The following SEMA3C variants were observed in gnomAD, a reference collection of about 807,000 sequenced individuals.
The protein encoded by SEMA3C is semaphorin-3C.
Under a neutral mutation model 89.4 loss-of-function variants are expected in SEMA3C, and 47 were observed. The ratio of observed to expected loss-of-function variants is 0.53; its 90% CI spans 0.42 to 0.67. The LOEUF is 0.67. SEMA3C is among the 30% of genes least tolerant of loss of function. SEMA3C has a pLI of 0.00. For missense variants in SEMA3C, 839 were observed against 929.1 expected (o/e 0.90, Z 1.26); for synonymous variants, 310 against 320.2 (o/e 0.97, Z 0.34).
chr7:80,896,041 G>A (rs114468264), intron 2 of SEMA3C, among the ~76,000 whole-genome samples: 1 of 151,944 alleles, frequency 6.6e-6, no homozygotes, highest in Non-Finnish European at 1.5e-5. Context: ...GTTGTGTTTA[G>A]TTTATCTTAT....
At chr7:80,782,212 T>C (rs1377805639) in intron 12 of SEMA3C, among the ~76,000 whole-genome samples, 1 of 152,202 alleles carries the variant, frequency 6.6e-6, no homozygotes, top group Non-Finnish European at 1.5e-5. Context: ...CATAAACATA[T>C]CAAATTCACA....
chr7:80,847,445 A>C (rs1790415892), intron 2 of SEMA3C: 1 of 152,196 alleles, frequency 6.6e-6, no homozygotes, highest in East Asian at 1.9e-4. Flanking sequence ...GGTAGATATT[A>C]CTTTGTCAAA....
intron 2 of SEMA3C, among the ~76,000 whole-genome samples, chr7:80,865,557 G>A (rs1790906024): frequency 3.9e-5 from 6 of 152,104 alleles, no homozygotes; most frequent in Admixed American, 3.3e-4. Flanking sequence ...GGAGGCCAAG[G>A]CAGGTGGATC....
intron 2 of SEMA3C, among the ~76,000 whole-genome samples, chr7:80,912,269 T>C (rs1019780072): frequency 8.5e-5 from 13 of 152,208 alleles, no homozygotes; most frequent in Non-Finnish European, 1.5e-4. Flanking sequence ...TTGCAATACC[T>C]GAAATAAAAT....
At chr7:80,765,577 GTTTTGT>G (rs142403914) in intron 12 of SEMA3C, among the ~76,000 whole-genome samples, 16,967 of 144,806 alleles carry the variant, frequency 0.12, 996 homozygotes, top group Admixed American at 0.15. Context: ...GTTTTGTTTT[GTTTTGT>G]TTTGTTTGTT....
At chr7:80,775,370 A>G (rs1460794493) in intron 12 of SEMA3C, among the ~76,000 whole-genome samples, 2 of 152,236 alleles carry the variant, frequency 1.3e-5, no homozygotes, top group Non-Finnish European at 2.9e-5. Context: ...AACAAAGCTG[A>G]CCCATTTCTG....
rs189304117 is a variant in SEMA3C at position 80,866,909 on chromosome 7, C to T, written c.104-38164G>A. Among the ~76,000 whole-genome samples, 40 of 152,092 alleles carry T rather than the reference C, an allele frequency of 2.6e-4. No individual in the cohort carries two copies. The East Asian group carries it at 3.5e-3, about 13-fold the overall frequency. On this transcript the variant is annotated intron_variant, in intron 2 of 17. Coordinates refer to ENST00000265361, the MANE Select transcript of SEMA3C (RefSeq NM_006379.5). ...CGGACATATTTTCTGACTACATGTG[C>T]GTACAGAAAATACAGAGAGCAATAC...
intron 2 of SEMA3C, among the ~76,000 whole-genome samples, chr7:80,858,743 A>G (rs1191081423): frequency 6.6e-6 from 1 of 152,206 alleles, no homozygotes; most frequent in African/African-American, 2.4e-5. Context: ...CATACATATT[A>G]GAGGCCATGC....
intron 16 of SEMA3C, among the ~76,000 whole-genome samples, chr7:80,750,917 T>TA (rs1023706030): frequency 1.8e-4 from 27 of 152,188 alleles, no homozygotes; most frequent in Middle Eastern, 3.4e-3. Context: ...TTTACTGCAG[T>TA]AAAAAAATGC....
At chr7:80,773,467 C>G (rs550740422) in intron 12 of SEMA3C, among the ~76,000 whole-genome samples, 3 of 152,066 alleles carry the variant, frequency 2.0e-5, no homozygotes, top group African/African-American at 7.2e-5. Flanking sequence ...GTAATTGATA[C>G]TAGAGTACTT....
chr7:80,756,843 C>T (rs1278827372), intron 15 of SEMA3C, among the ~76,000 whole-genome samples: 1 of 152,146 alleles, frequency 6.6e-6, no homozygotes, highest in Non-Finnish European at 1.5e-5. Flanking sequence ...ACATCACGAC[C>T]TCCTGCTTAC....
At chr7:80,860,661 C>T (rs1011164126) in intron 2 of SEMA3C, among the ~76,000 whole-genome samples, 16 of 152,164 alleles carry the variant, frequency 1.1e-4, no homozygotes, top group African/African-American at 3.9e-4. Flanking sequence ...AGATCCCAAA[C>T]TGCCAAGGTC....
chr7:80,812,403 A>G (rs1157658708), intron 5 of SEMA3C, among the ~76,000 whole-genome samples: 1 of 152,222 alleles, frequency 6.6e-6, no homozygotes. Context: ...AGTGAATCCG[A>G]TTTCCAAAAG....
At chr7:80,863,209 T>A (rs55814663) in intron 2 of SEMA3C, among the ~76,000 whole-genome samples, 1 of 149,678 alleles carries the variant, frequency 6.7e-6, no homozygotes, top group Admixed American at 6.7e-5. Flanking sequence ...TCCAGCCTGG[T>A]GACAGAGCGA....
At chr7:80,876,910 A>G (rs1791215952) in intron 2 of SEMA3C, among the ~76,000 whole-genome samples, 1 of 152,066 alleles carries the variant, frequency 6.6e-6, no homozygotes, top group African/African-American at 2.4e-5. Flanking sequence ...CCATCACTGC[A>G]TTGCTCCCAG....
In SEMA3C at chr7:80,818,338, A is replaced by T. The variant is rs1484413275; in HGVS notation, c.408T>A (p.Ser136Arg). Residue 136 changes from serine (S) to arginine (R), a missense_variant, in exon 5 of 18, where the codon AGT becomes AGA. By Grantham distance (110) the Ser-to-Arg change is moderately radical. Transcript: ENST00000265361. ...CTCTGTTCAAGTAAGTACAGACAGG[A>T]CTGAAAGCGCCACTCCCACAGACAT... Reference protein sequence around the residue: ...HLYVCGSGAFSPVCTYLNRGR... With the variant: ...HLYVCGSGAFRPVCTYLNRGR... 3.7e-6 allele frequency: 6 copies of T among 1,613,594 alleles called. No individual in the cohort carries two copies. The highest frequency in any genetic ancestry group is 5.1e-6 in the Non-Finnish European group (6 of 1,179,566).
intron 2 of SEMA3C, among the ~76,000 whole-genome samples, chr7:80,848,757 T>C (rs931386300): frequency 2.6e-5 from 4 of 152,220 alleles, no homozygotes; most frequent in African/African-American, 7.2e-5. Context: ...TTTCATCTCA[T>C]TTTAATTTAG....
At chr7:80,748,473 GCT>G (rs546184977) in intron 17 of SEMA3C, among the ~76,000 whole-genome samples, 9 of 152,116 alleles carry the variant, frequency 5.9e-5, no homozygotes, top group Non-Finnish European at 8.8e-5. Context: ...GCAGAAAAAC[GCT>G]CTTTGTCATG....
Position 80,916,732 on chromosome 7 carries a change from A to G in SEMA3C, c.50T>C (p.Ile17Thr), listed in dbSNP as rs758773980. The G allele has an allele frequency of 3.1e-6, 5 of 1,613,856 alleles. No homozygotes were observed. In the South Asian group the frequency reaches 3.3e-5, roughly 11 times the overall value. The change falls in exon 2 of 18, where the codon ATC (isoleucine) becomes ACC (threonine). Residue 17 changes from isoleucine to threonine, a missense_variant. Physicochemically the swap from Ile to Thr is moderately conservative, Grantham distance 89. Coordinates refer to ENST00000265361, the MANE Select transcript of SEMA3C (RefSeq NM_006379.5). ...GGGCTGGGAAGATCCTTTCACACAG[A>G]TAGAACAAATAAATACTCCAACCAA... is the stretch of plus-strand genomic sequence containing the variant. ...CVLVGVFICS[I>T]CVKGSSQPQA...
Sources: gnomAD v4.1 joint callset for allele counts (sites outside exome capture counted in the v4.1 genomes callset) on GRCh38, gnomAD v4.1.1 for gene constraint, MANE v1.5 for transcripts, NCBI Gene and HGNC (gene_info 2026-07-23, HGNC 2026-07-21) for gene names.